Variants in ACYP2 observed in about 807,000 individuals in gnomAD.
ACYP2 encodes the protein acylphosphatase 2.
ACYP2 carries 12 observed loss-of-function variants against 11.2 expected under a neutral mutation model. The observed-to-expected ratio is 1.08, with a 90% CI of 0.69 to 1.74. The LOEUF is 1.74. Ranked by LOEUF, ACYP2 falls within the 40% of genes most tolerant of loss-of-function variation. The pLI is 0.00. For missense variants in ACYP2, 134 were observed against 101.9 expected, an observed-to-expected ratio of 1.31 and a Z score of -1.35; for synonymous variants, 43 against 32.2, an observed-to-expected ratio of 1.33 and a Z score of -1.13.
intron 2 of ACYP2, among the ~76,000 whole-genome samples, chr2:54,022,669 G>A (rs1017775260): frequency 2.6e-5 from 4 of 152,072 alleles, no homozygotes; most frequent in African/African-American, 4.8e-5. Context: ...GGCATGAGCC[G>A]CTGTGCCAGG....
intron 4 of ACYP2, among the ~76,000 whole-genome samples, chr2:54,087,338 C>T (rs1677995630): frequency 6.6e-6 from 1 of 152,082 alleles, no homozygotes; most frequent in African/African-American, 2.4e-5. Context: ...CTGCTAGTTT[C>T]ATTCACTTTT....
intron 6 of ACYP2, among the ~76,000 whole-genome samples, chr2:54,242,326 A>G (rs1429824226): frequency 6.6e-6 from 1 of 152,182 alleles, no homozygotes; most frequent in East Asian, 1.9e-4. Context: ...TCCTGAGATG[A>G]CTTTGCTCAT....
intron 2 of ACYP2, among the ~76,000 whole-genome samples, chr2:54,020,481 C>A (rs562562105): frequency 6.6e-5 from 10 of 152,240 alleles, no homozygotes; most frequent in African/African-American, 2.4e-4. Context: ...ATTGCTGTCA[C>A]ATTGGAAGGC....
chr2:54,033,382 T>G (rs928028633), intron 2 of ACYP2, among the ~76,000 whole-genome samples: 2 of 141,010 alleles, frequency 1.4e-5, no homozygotes, highest in African/African-American at 2.7e-5. Context: ...GTGTGTTTTG[T>G]TTTTTTTTTT....
chr2:54,142,603 G>T (rs1487890618), intron 6 of ACYP2: 2 of 152,132 alleles, frequency 1.3e-5, no homozygotes, highest in East Asian at 3.9e-4. Context: ...CACGCCTGTT[G>T]TCCCAGCTAC....
At chr2:54,033,122 G>A (rs1185379907) in intron 2 of ACYP2, among the ~76,000 whole-genome samples, 1 of 152,072 alleles carries the variant, frequency 6.6e-6, no homozygotes, top group African/African-American at 2.4e-5. Context: ...GCTTTGTGAG[G>A]TCTGCGAAAT....
intron 4 of ACYP2, among the ~76,000 whole-genome samples, chr2:54,121,450 C>T (rs1405484228): frequency 6.6e-6 from 1 of 152,218 alleles, no homozygotes; most frequent in South Asian, 2.1e-4. Flanking sequence ...AGACCTGTCC[C>T]TGTCTACCGA....
chr2:54,029,966 C>T (rs1674496414), intron 2 of ACYP2: 1 of 267,432 alleles, frequency 3.7e-6, no homozygotes, highest in Admixed American at 5.0e-5. Flanking sequence ...TTGCTGTAAC[C>T]AGATACAGGG....
chr2:54,283,622 T>G (rs1377410510), intron 6 of ACYP2, among the ~76,000 whole-genome samples: 3 of 152,218 alleles, frequency 2.0e-5, no homozygotes, highest in Non-Finnish European at 4.4e-5. Flanking sequence ...GATCATAAAG[T>G]AGATGTAATA....
At chr2:54,162,453 G>A (rs138240167) in intron 6 of ACYP2, among the ~76,000 whole-genome samples, 50 of 152,152 alleles carry the variant, frequency 3.3e-4, no homozygotes, top group African/African-American at 1.2e-3. Context: ...CAAAATATGA[G>A]GCCTGTTGTT....
At chr2:54,014,473 C>G (rs1378670718) in intron 2 of ACYP2, among the ~76,000 whole-genome samples, 3 of 152,022 alleles carry the variant, frequency 2.0e-5, no homozygotes, top group African/African-American at 4.8e-5. Flanking sequence ...GTACCCACCA[C>G]CAGGCCTGGC....
intron 6 of ACYP2, among the ~76,000 whole-genome samples, chr2:54,285,688 T>C (rs1689050550): frequency 6.6e-6 from 1 of 152,216 alleles, no homozygotes; most frequent in Admixed American, 6.5e-5. Context: ...CATCTCAGTC[T>C]CTTTTGTAGC....
chr2:54,256,063 C>G, intron 6 of ACYP2: 3 of 1,614,178 alleles, frequency 1.9e-6, no homozygotes, highest in Non-Finnish European at 2.5e-6. Flanking sequence ...TGTCGCCTTG[C>G]TCTTTTCTCG....
At chr2:54,139,130 A>G (rs1337977624) in intron 6 of ACYP2, among the ~76,000 whole-genome samples, 1 of 152,176 alleles carries the variant, frequency 6.6e-6, no homozygotes, top group Non-Finnish European at 1.5e-5. Context: ...GCTGGCCTCG[A>G]GAAGAATTGT....
At chr2:53,973,300 T>A (rs2104503118) in intron 1 of ACYP2, among the ~76,000 whole-genome samples, 1 of 152,218 alleles carries the variant, frequency 6.6e-6, no homozygotes, top group South Asian at 2.1e-4. Flanking sequence ...GACAACCTTT[T>A]AAAAAATAAT....
At chr2:54,042,903 A>G (rs1675312510) in intron 2 of ACYP2, among the ~76,000 whole-genome samples, 1 of 152,250 alleles carries the variant, frequency 6.6e-6, no homozygotes. Flanking sequence ...TAAACACATC[A>G]GCACACCCAC....
rs114509171 is a variant in ACYP2, at chr2:54,298,090, G to A, written c.405-6598G>A. On this transcript the variant is annotated intron_variant, in intron 6 of 6. Coordinates refer to ENST00000607452, the MANE Select transcript of ACYP2 (RefSeq NM_001320586.2). Reference sequence around the variant, plus strand: ...TAATAATTAGAATAGTTTGGTACTGGTTTTATATTCTAAAACCATAATAAT... The same window carrying A: ...TAATAATTAGAATAGTTTGGTACTGATTTTATATTCTAAAACCATAATAAT... Among the ~76,000 whole-genome samples the A allele has an allele frequency of 2.8e-3, 429 of 152,190 alleles. 4 individuals carry two copies. The highest frequency in any genetic ancestry group is 9.8e-3 in the African/African-American group (405 of 41,506).
chr2:54,155,439 C>G (rs1408517780), intron 6 of ACYP2, among the ~76,000 whole-genome samples: 1 of 152,128 alleles, frequency 6.6e-6, no homozygotes, highest in Admixed American at 6.6e-5. Context: ...CCCTTGTGAC[C>G]TGTTAGGAAC....
chr2:54,044,160 C>T (rs1026568907), intron 2 of ACYP2, among the ~76,000 whole-genome samples: 2 of 152,176 alleles, frequency 1.3e-5, no homozygotes, highest in South Asian at 2.1e-4. Flanking sequence ...GTAAACTGCA[C>T]GTCACAGTTA....
Sources: allele counts gnomAD v4.1 joint callset (sites outside exome capture counted in the v4.1 genomes callset), GRCh38; gene constraint gnomAD v4.1.1; transcripts MANE v1.5; gene names NCBI Gene and HGNC (gene_info 2026-07-23, HGNC 2026-07-21).